Variants in CREB3L3 observed in about 807,000 individuals in gnomAD.
The protein encoded by CREB3L3 is cyclic AMP-responsive element-binding protein 3-like protein 3.
In CREB3L3, 40 loss-of-function variants were observed where a neutral mutation model predicts 44.6. That is an observed-to-expected ratio of 0.90 (90% CI 0.70 to 1.17). The LOEUF (loss-of-function observed/expected upper bound fraction) is 1.17. CREB3L3 is among the 50% of genes most tolerant of loss of function. CREB3L3 has a pLI of 0.00. For synonymous variants in CREB3L3, 273 were observed against 256.3 expected, an observed-to-expected ratio of 1.06 and a Z score of -0.62; for missense variants, 578 against 595.8, an observed-to-expected ratio of 0.97 and a Z score of 0.31.
rs902440534 is a variant in CREB3L3 at position 4,155,044 on chromosome 19, A to G, written c.156+17A>G. The G allele has an allele frequency of 6.2e-7, 1 of 1,602,844 alleles. No individual in the cohort carries two copies. Among genetic ancestry groups the G allele is most frequent in the East Asian group, 2.2e-5 (1 of 44,862 alleles). ...AAGGACCAGGTGAGGAGTCCACTGC[A>G]GTTGCCCCGGGACCACAGAGCTCCA... On this transcript the variant is annotated intron_variant, in intron 2 of 9. Transcript: ENST00000078445.
Position 4,171,640 on chromosome 19 carries a change from C to A in CREB3L3, c.1073-16C>A. 1 of 1,613,312 alleles carries A rather than the reference C, an allele frequency of 6.2e-7. No individual in the cohort carries two copies. The highest frequency in any genetic ancestry group is 8.5e-7 in the Non-Finnish European group (1 of 1,179,838). On this transcript the variant is annotated splice_polypyrimidine_tract_variant and intron_variant, in intron 9 of 9. Transcript: ENST00000078445. The surrounding 1 kb of genome is among the most constrained non-coding windows in gnomAD (Gnocchi z 4.9). ...CCTCCACCTTGTCCCCTGTGATGCC[C>A]CCCTTCCCCAATCAGTGTTCTCCAG...
In CREB3L3 at chr19:4,166,421, ATTTTTTTTTT is replaced by A. The variant is rs35783380; in HGVS notation, c.714+1795_714+1804del. 1.8e-3 allele frequency among the ~76,000 whole-genome samples: 184 copies of A among 103,764 alleles called. 1 individual carries two copies. Among genetic ancestry groups the A allele is most frequent in the Middle Eastern group, 0.01 (2 of 192 alleles). 68.1% of individuals were successfully genotyped at this position (103,764 alleles called of 152,430 possible). On this transcript the variant is annotated intron_variant, in intron 5 of 9. Transcript: ENST00000078445. Reference sequence around the variant, plus strand: ...AGGCACGCGCCACCACGCCTGGCTAATTTTTTTTTTTTTTTTTTTTTTTGAGTAGAGACAG... The same window carrying A: ...AGGCACGCGCCACCACGCCTGGCTAATTTTTTTTTTTTTGAGTAGAGACAG...
chr19:4,172,322 G>T lies in CREB3L3; in HGVS notation c.*353G>T. ...AGCCTGAAACAGACCCAGACAAACA[G>T]ACAGACAGACACAGCCTGAAACAGA... is the stretch of plus-strand genomic sequence containing the variant. On this transcript the variant is annotated 3_prime_UTR_variant, in exon 10 of 10. Transcript: ENST00000078445. 2.3e-6 allele frequency: 1 copy of T among 430,406 alleles called. No homozygotes were observed. Among genetic ancestry groups the T allele is most frequent in the Non-Finnish European group, 4.2e-6 (1 of 235,648 alleles). 26.7% of individuals were successfully genotyped at this position (430,406 alleles called of 1,614,324 possible).
intron 4 of CREB3L3, among the ~76,000 whole-genome samples, chr19:4,161,418 C>T (rs1258978184): frequency 6.6e-6 from 1 of 152,088 alleles, no homozygotes. Context: ...CCGCCTGGGG[C>T]TTTTATTATC....
intron 4 of CREB3L3, among the ~76,000 whole-genome samples, chr19:4,163,359 G>GGAAGGAAT (rs2041686383): frequency 9.3e-6 from 1 of 107,552 alleles, no homozygotes; most frequent in African/African-American, 3.1e-5. Flanking sequence ...AAAGAAGGAA[G>GGAAGGAAT]GAAGGAAGGA....
intron 7 of CREB3L3, 110 bp from the exon 8 acceptor site, chr19:4,170,981 G>C: frequency 1.3e-6 from 1 of 773,260 alleles, no homozygotes; most frequent in South Asian, 1.4e-5. Context: ...AGAGGCCCTT[G>C]AAGAATGGAT....
chr19:4,162,203 A>G (rs2041669941), intron 4 of CREB3L3, among the ~76,000 whole-genome samples: 1 of 151,842 alleles, frequency 6.6e-6, no homozygotes, highest in African/African-American at 2.4e-5. Flanking sequence ...ACGGGGTTTC[A>G]CCATGTTGGT....
chr19:4,158,673 C>T (rs1180764752), intron 3 of CREB3L3, among the ~76,000 whole-genome samples: 5 of 151,842 alleles, frequency 3.3e-5, no homozygotes, highest in African/African-American at 9.7e-5. Flanking sequence ...TGGTGGCAGG[C>T]GCCTGTAGTC....
In CREB3L3 at chr19:4,155,037, C is replaced by G; in HGVS notation, c.156+10C>G. 4 of 1,604,340 alleles carry G rather than the reference C, an allele frequency of 2.5e-6. No homozygotes were observed. The highest frequency in any genetic ancestry group is 3.4e-6 in the Non-Finnish European group (4 of 1,179,898). On this transcript the variant is annotated intron_variant, in intron 2 of 9. Transcript: ENST00000078445. ...TCACGTCAAGGACCAGGTGAGGAGTCCACTGCAGTTGCCCCGGGACCACAG... is the reference window on the plus strand; with the variant it reads ...TCACGTCAAGGACCAGGTGAGGAGTGCACTGCAGTTGCCCCGGGACCACAG...
At chr19:4,161,095 AG>A (rs2041656714) in intron 4 of CREB3L3, among the ~76,000 whole-genome samples, 1 of 151,804 alleles carries the variant, frequency 6.6e-6, no homozygotes, top group Non-Finnish European at 1.5e-5. Flanking sequence ...GTATCTTTTT[AG>A]TAGAGATGGG....
In CREB3L3 at chr19:4,153,702, G is replaced by T; in HGVS notation, c.-46G>T. 6.2e-7 allele frequency: 1 copy of T among 1,612,670 alleles called. No individual in the cohort carries two copies. The highest frequency in any genetic ancestry group is 8.5e-7 in the Non-Finnish European group (1 of 1,179,046). On this transcript the variant is annotated 5_prime_UTR_variant, in exon 1 of 10. Coordinates refer to ENST00000078445, the MANE Select transcript of CREB3L3 (RefSeq NM_032607.3). ...TGGCGGTGGGTGGGCCTCCAGCTTG[G>T]AGCAGAGACCCCCCGAGGCATCTGC...
At chr19:4,164,664 C>G (rs201263875) in intron 5 of CREB3L3, 24 bp downstream of exon 5, 287 of 1,613,552 alleles carry the variant, frequency 1.8e-4, no homozygotes, top group Non-Finnish European at 2.3e-4. Flanking sequence ...GACTTCCAGC[C>G]CTGGATCCAT....
intron 6 of CREB3L3, 64 bp downstream of exon 6, chr19:4,168,521 T>G: frequency 7.7e-7 from 1 of 1,291,400 alleles, no homozygotes. Flanking sequence ...GAGAAGGAGA[T>G]GTGGCTAAGG....
Position 4,171,264 on chromosome 19 carries a change from G to T in CREB3L3, c.975+89G>T. On this transcript the variant is annotated intron_variant, in intron 8 of 9. Coordinates refer to ENST00000078445, the MANE Select transcript of CREB3L3 (RefSeq NM_032607.3). The surrounding 1 kb of genome is among the most constrained non-coding windows in gnomAD (Gnocchi z 4.9). ...GTGACAATGAGTCCAAGCTCTCCTT[G>T]TGCCCCAGCTCAAGTATGATCCAGT... 2.7e-6 allele frequency: 4 copies of T among 1,455,266 alleles called. No homozygotes were observed. Among genetic ancestry groups the T allele is most frequent in the Non-Finnish European group, 3.9e-6 (4 of 1,038,028 alleles). The allele number at this position is 1,455,266 out of a possible 1,614,324, so 90.1% of individuals were successfully genotyped here. A position where few individuals can be genotyped will look rare whatever the true frequency, so the allele number is the denominator to read the frequency against.
At chr19:4,155,212 T>C (rs1219660456) in intron 2 of CREB3L3, among the ~76,000 whole-genome samples, 185 bp downstream of exon 2, 5 of 152,132 alleles carry the variant, frequency 3.3e-5, no homozygotes, top group African/African-American at 1.2e-4. Context: ...AGCTCCTTCT[T>C]ACAGGTGGGG....
chr19:4,171,953 C>T lies in CREB3L3; in HGVS notation c.1370C>T (p.Ala457Val), dbSNP rs556140229. The T allele has an allele frequency of 2.7e-5, 44 of 1,601,260 alleles. 1 individual carries two copies. The highest frequency in any genetic ancestry group is 1.1e-4 in the South Asian group (10 of 90,158). ...TCAGGACGTGCAGGGCTGGAGGCGG[C>T]GGGAGACGAGCTGTGAGCCCCGCCA... ...TGSGRAGLEA[A>V]GDEL The change falls in exon 10 of 10, where the codon GCG becomes GTG. Residue 457 changes from alanine (A) to valine (V), a missense_variant. Coordinates refer to ENST00000078445, the MANE Select transcript of CREB3L3 (RefSeq NM_032607.3). This position sits in a 1 kb window ranked among gnomAD's most constrained non-coding sequence, Gnocchi z 4.9.
chr19:4,156,615 C>T (rs2041582304), intron 2 of CREB3L3, among the ~76,000 whole-genome samples: 1 of 150,538 alleles, frequency 6.6e-6, no homozygotes, highest in South Asian at 2.1e-4. Flanking sequence ...GAATCTCCTT[C>T]CTCAGACTCC....
At position 4,172,073 on chromosome 19, in the gene CREB3L3, CA is replaced by C; in HGVS notation, c.*105del. On this transcript the variant is annotated 3_prime_UTR_variant, in exon 10 of 10. Transcript: ENST00000078445. ...GGGATGGGACGTGAGGCCAAGACCC[CA>C]GCAGAGATGCCAGAATGGGGGAGGC... 1 of 1,203,922 alleles carries C rather than the reference CA, an allele frequency of 8.3e-7. No homozygotes were observed. The highest frequency in any genetic ancestry group is 1.1e-6 in the Non-Finnish European group (1 of 882,242). The allele number at this position is 1,203,922 out of a possible 1,614,324, so 74.6% of individuals were successfully genotyped here.
At chr19:4,157,374 G>C (rs142674900) in intron 3 of CREB3L3, 79 bp downstream of exon 3, 15,835 of 1,507,002 alleles carry the variant, frequency 0.011, 129 homozygotes, top group South Asian at 0.016. Context: ...TGGAGGCCCA[G>C]AGAGGGCTGG....
Sources: gnomAD v4.1 joint callset for allele counts (sites outside exome capture counted in the v4.1 genomes callset) on GRCh38, gnomAD v4.1.1 for gene constraint, Gnocchi (gnomAD v3.1) non-coding constraint, MANE v1.5 for transcripts, NCBI Gene and HGNC (gene_info 2026-07-23, HGNC 2026-07-21) for gene names.